Variants in LONRF1 observed in about 807,000 individuals in gnomAD.
LONRF1 encodes LON peptidase N-terminal domain and ring finger 1, also known as LON peptidase N-terminal domain and RING finger protein 1.
Under a neutral mutation model 85.8 loss-of-function variants are expected in LONRF1, and 37 were observed. The ratio of observed to expected loss-of-function variants is 0.43; its 90% CI spans 0.33 to 0.57. The LOEUF is 0.57. LONRF1 is among the 20% of genes least tolerant of loss of function. The pLI is 0.04. For synonymous variants in LONRF1, 517 were observed against 390.1 expected (o/e 1.33, Z -3.83); for missense variants, 1,036 against 978.0 (o/e 1.06, Z -0.79).
chr8:12,744,246 C>T (rs186604140), intron 1 of LONRF1, among the ~76,000 whole-genome samples: 2 of 152,192 alleles, frequency 1.3e-5, no homozygotes, highest in South Asian at 4.1e-4. Context: ...TAGATGATTG[C>T]TTTTCTATTC....
rs540375811 is a variant in LONRF1 at position 12,735,597 on chromosome 8, C to T, written c.1452-197G>A. 374 of 535,138 alleles carry T rather than the reference C, an allele frequency of 7.0e-4. 2 individuals carry two copies. The highest frequency in any genetic ancestry group is 2.6e-3 in the Admixed American group (82 of 31,090). 33.1% of individuals were successfully genotyped at this position (535,138 alleles called of 1,614,324 possible). A position where few individuals can be genotyped will look rare whatever the true frequency, so the allele number is the denominator to read the frequency against. Reference sequence around the variant, plus strand: ...TTTTAAAATTCTCCATCAACAAAGGCCTCCTGCCAAAGGCCTAGAGCCAAG... The same window carrying T: ...TTTTAAAATTCTCCATCAACAAAGGTCTCCTGCCAAAGGCCTAGAGCCAAG... On this transcript the variant is annotated intron_variant, in intron 6 of 11. Coordinates refer to ENST00000398246, the MANE Select transcript of LONRF1 (RefSeq NM_152271.5).
intron 5 of LONRF1, 42 bp downstream of exon 5, chr8:12,736,858 T>C (rs529357446): frequency 6.4e-7 from 1 of 1,573,444 alleles, no homozygotes; most frequent in Non-Finnish European, 8.6e-7. Flanking sequence ...CTATTCTGAC[T>C]AAATAAATTT....
intron 3 of LONRF1, among the ~76,000 whole-genome samples, chr8:12,740,156 GA>G (rs1375930555): frequency 6.6e-6 from 1 of 152,164 alleles, no homozygotes; most frequent in Non-Finnish European, 1.5e-5. Flanking sequence ...GGCATGTTTT[GA>G]GTATGTGCAG....
chr8:12,737,163 G>A (rs748919481), intron 4 of LONRF1, 23 bp from the exon 5 acceptor site: 1 of 1,605,334 alleles, frequency 6.2e-7, no homozygotes, highest in Non-Finnish European at 8.5e-7. Context: ...AATAAACAAA[G>A]GTAACTGTAT....
intron 1 of LONRF1, among the ~76,000 whole-genome samples, chr8:12,748,523 T>C (rs1251139297): frequency 6.6e-6 from 1 of 152,190 alleles, no homozygotes; most frequent in Non-Finnish European, 1.5e-5. Flanking sequence ...TATACAACAT[T>C]TCCAACACAT....
intron 11 of LONRF1, among the ~76,000 whole-genome samples, chr8:12,725,355 A>T (rs1487912060): frequency 3.3e-5 from 5 of 152,232 alleles, no homozygotes; most frequent in Non-Finnish European, 7.3e-5. Flanking sequence ...GCTGTCAAAG[A>T]ATAACAGCAA....
chr8:12,723,503 C>G (rs549524772), intron 11 of LONRF1, among the ~76,000 whole-genome samples: 4 of 152,346 alleles, frequency 2.6e-5, no homozygotes, highest in East Asian at 1.9e-4. Context: ...TGACTCCCCA[C>G]AGTCAACACA....
intron 11 of LONRF1, among the ~76,000 whole-genome samples, chr8:12,723,551 C>T (rs911074341): frequency 6.6e-6 from 1 of 152,220 alleles, no homozygotes; most frequent in African/African-American, 2.4e-5. Context: ...GGCTTCTCGA[C>T]CTCAGGCTAC....
At position 12,740,899 on chromosome 8, in the gene LONRF1, G is replaced by C; in HGVS notation, c.938C>G (p.Ala313Gly). Reference sequence around the variant, plus strand: ...CTTTTGTACTTGCAGCTTTGCAGGTGCAAAATCTTCATCAAGGGCTAAGCA... The same window carrying C: ...CTTTTGTACTTGCAGCTTTGCAGGTCCAAAATCTTCATCAAGGGCTAAGCA... ...LQCLALDEDF[A>G]PAKLQVQKIL... Residue 313 changes from alanine to glycine, a missense_variant, in exon 3 of 12, where the codon GCA becomes GGA. By Grantham distance (60) the Ala-to-Gly change is moderately conservative. Coordinates refer to ENST00000398246, the MANE Select transcript of LONRF1 (RefSeq NM_152271.5). 6.2e-7 allele frequency: 1 copy of C among 1,613,226 alleles called. No homozygotes were observed. Among genetic ancestry groups the C allele is most frequent in the South Asian group, 1.1e-5 (1 of 91,058 alleles).
intron 1 of LONRF1, among the ~76,000 whole-genome samples, chr8:12,747,774 T>A (rs1330886828): frequency 6.7e-6 from 1 of 149,976 alleles, no homozygotes; most frequent in African/African-American, 2.5e-5. Flanking sequence ...TTTTTTTTTT[T>A]AGAAAACTGG....
Position 12,725,896 on chromosome 8 carries a change from CAGTA to C in LONRF1, c.2011-21_2011-18del, listed in dbSNP as rs1798279160. 6.3e-7 allele frequency: 1 copy of C among 1,598,128 alleles called. No individual in the cohort carries two copies. The highest frequency in any genetic ancestry group is 1.3e-5 in the African/African-American group (1 of 74,706). ...ATTCTCAACCTAGAAATACAATAGT[CAGTA>C]AGACTTCTGTGTCTAATCCCCCGTC... On this transcript the variant is annotated intron_variant, in intron 10 of 11. Transcript: ENST00000398246.
intron 1 of LONRF1, among the ~76,000 whole-genome samples, chr8:12,747,358 A>C (rs1217016298): frequency 3.3e-5 from 5 of 152,178 alleles, no homozygotes; most frequent in Non-Finnish European, 7.4e-5. Context: ...TTGTTTCTTT[A>C]GTTCACCTTC....
chr8:12,755,216 C>G lies in LONRF1; in HGVS notation c.205G>C (p.Glu69Gln). The change falls in exon 1 of 12, where the codon GAG becomes CAG. Residue 69 changes from glutamate (E) to glutamine (Q), a missense_variant. Around this residue, in one of 3 missense-constraint regions of LONRF1, gnomAD observed 742 missense variants for 614.4 expected, o/e 1.21. Transcript: ENST00000398246. ...ALGGHLKGAL[E>Q]AFAAALRRGA... ...CGGCGCAGCGCCGCCGCGAACGCCT[C>G]CAGCGCGCCCTTCAGGTGGCCGCCC... 1 of 1,263,776 alleles carries G rather than the reference C, an allele frequency of 7.9e-7. No individual in the cohort carries two copies. Among genetic ancestry groups the G allele is most frequent in the Non-Finnish European group, 9.9e-7 (1 of 1,009,862 alleles). 78.3% of individuals were successfully genotyped at this position (1,263,776 alleles called of 1,614,324 possible).
At chr8:12,750,654 T>C (rs766868927) in intron 1 of LONRF1, among the ~76,000 whole-genome samples, 11 of 152,254 alleles carry the variant, frequency 7.2e-5, no homozygotes, top group African/African-American at 2.7e-4. Flanking sequence ...AAAAACCCTC[T>C]ACATTTTCTT....
chr8:12,729,907 C>T (rs1798463485), intron 8 of LONRF1, among the ~76,000 whole-genome samples: 1 of 152,134 alleles, frequency 6.6e-6, no homozygotes, highest in Non-Finnish European at 1.5e-5. Flanking sequence ...AGGATAAAGG[C>T]AATGCCCAGT....
Position 12,722,502 on chromosome 8 carries a change from G to C in LONRF1, c.*594C>G, listed in dbSNP as rs1805934718. On this transcript the variant is annotated 3_prime_UTR_variant, in exon 12 of 12. Transcript: ENST00000398246. Reference sequence around the variant, plus strand: ...AGTATTTACATAAATAAGAAACTGTGTCATAGTCAATGGTCAAGACAGTTC... The same window carrying C: ...AGTATTTACATAAATAAGAAACTGTCTCATAGTCAATGGTCAAGACAGTTC... The C allele has an allele frequency of 1.3e-5, 2 of 152,650 alleles. 1 individual carries two copies. Among genetic ancestry groups the C allele is most frequent in the South Asian group, 4.1e-4 (2 of 4,832 alleles). The allele number at this position is 152,650 out of a possible 1,614,324, so 9.5% of individuals were successfully genotyped here.
intron 1 of LONRF1, chr8:12,753,554 T>C (rs531416468): frequency 6.6e-6 from 1 of 152,206 alleles, no homozygotes; most frequent in African/African-American, 2.4e-5. Flanking sequence ...CCTCTCCCAC[T>C]AGATGTCGGT....
At position 12,736,880 on chromosome 8, in the gene LONRF1, G is replaced by C; in HGVS notation, c.1354+20C>G. On this transcript the variant is annotated intron_variant, in intron 5 of 11. Coordinates refer to ENST00000398246, the MANE Select transcript of LONRF1 (RefSeq NM_152271.5). ...GACTAAATAAATTTATTTTATATAA[G>C]TGTAGAGCAAAATTTTTACCTCCTT... 1 of 1,593,810 alleles carries C rather than the reference G, an allele frequency of 6.3e-7. No homozygotes were observed. The highest frequency in any genetic ancestry group is 8.5e-7 in the Non-Finnish European group (1 of 1,169,916).
At chr8:12,753,588 T>G (rs1799498201) in intron 1 of LONRF1, 1 of 152,156 alleles carries the variant, frequency 6.6e-6, no homozygotes, top group South Asian at 2.1e-4. Flanking sequence ...CCACAAGAGG[T>G]GGCAACCAAA....
Sources: gnomAD v4.1 joint callset for allele counts (sites outside exome capture counted in the v4.1 genomes callset) on GRCh38, gnomAD v4.1.1 for gene constraint, gnomAD v4.1.1 regional missense constraint, MANE v1.5 for transcripts, NCBI Gene and HGNC (gene_info 2026-07-23, HGNC 2026-07-21) for gene names.